Variants in RARS1 observed in about 807,000 individuals in gnomAD.
RARS1 encodes the protein arginyl-tRNA synthetase 1.
Under a neutral mutation model 78.7 loss-of-function variants are expected in RARS1, and 75 were observed. That is an observed-to-expected ratio of 0.95 (90% CI 0.79 to 1.15). The LOEUF (loss-of-function observed/expected upper bound fraction) is 1.15. Ranked by LOEUF, RARS1 falls within the 50% of genes most tolerant of loss-of-function variation. The probability of loss-of-function intolerance (pLI) is 0.00; values close to 1 mark genes in which losing one functional copy is unlikely to be tolerated. For synonymous variants in RARS1, 273 were observed against 268.2 expected, an observed-to-expected ratio of 1.02 and a Z score of -0.18; for missense variants, 787 against 787.5, an observed-to-expected ratio of 1.00 and a Z score of 0.01.
At chr5:168,510,519 T>G in intron 11 of RARS1, 62 bp from the exon 12 acceptor site, 1 of 1,291,718 alleles carries the variant, frequency 7.7e-7, no homozygotes, top group Non-Finnish European at 1.1e-6. Flanking sequence ...ACCTTCATTT[T>G]CAAAGATTTC....
intron 3 of RARS1, among the ~76,000 whole-genome samples, chr5:168,493,595 C>A (rs1307380697): frequency 7.0e-6 from 1 of 143,350 alleles, no homozygotes; most frequent in African/African-American, 2.6e-5. Flanking sequence ...GATCACACCA[C>A]TGCACTCCAG....
intron 11 of RARS1, among the ~76,000 whole-genome samples, chr5:168,509,362 AAGT>A (rs1429033317): frequency 2.6e-5 from 4 of 152,054 alleles, no homozygotes; most frequent in African/African-American, 9.7e-5. Flanking sequence ...CTTTAACAGA[AAGT>A]AGCACATTCA....
Position 168,506,072 on chromosome 5 carries a change from C to T in RARS1, c.1109C>T (p.Ser370Phe), listed in dbSNP as rs528829400. Residue 370 changes from serine (S) to phenylalanine (F), a missense_variant, in exon 10 of 15, where the codon TCC becomes TTC. Coordinates refer to ENST00000231572, the MANE Select transcript of RARS1 (RefSeq NM_002887.4). ...AAGATTGTATTTGTCCCAGGGTGTT[C>T]CATACCATTAACCATAGTAAAATCA... ...GRKIVFVPGC[S>F]IPLTIVKSDG... 3.7e-6 allele frequency: 6 copies of T among 1,607,452 alleles called. No individual in the cohort carries two copies. Among genetic ancestry groups the T allele is most frequent in the Non-Finnish European group, 5.1e-6 (6 of 1,177,278 alleles).
At position 168,495,425 on chromosome 5, in the gene RARS1, TGAC is replaced by T; in HGVS notation, c.692_694del (p.Asp231del). 1.2e-6 allele frequency: 2 copies of T among 1,613,732 alleles called. No homozygotes were observed. The highest frequency in any genetic ancestry group is 1.7e-6 in the Non-Finnish European group (2 of 1,179,746). ...GCCGCCTCTTTGAATTTGCAGGGTATGACGTGCTCAGGTATGTGCTCTTGCCTT... is the reference window on the plus strand; with the variant it reads ...GCCGCCTCTTTGAATTTGCAGGGTATGTGCTCAGGTATGTGCTCTTGCCTT... On this transcript the variant is annotated inframe_deletion, in exon 6 of 15. Transcript: ENST00000231572.
chr5:168,499,422 CTGTT>C (rs1367523702), intron 7 of RARS1, among the ~76,000 whole-genome samples: 1 of 152,084 alleles, frequency 6.6e-6, no homozygotes, highest in Non-Finnish European at 1.5e-5. Flanking sequence ...TGCATGTTTT[CTGTT>C]TGTTTAAATT....
chr5:168,517,669 G>C, intron 13 of RARS1, 146 bp from the exon 14 acceptor site: 10 of 1,071,034 alleles, frequency 9.3e-6, no homozygotes, highest in African/African-American at 3.2e-5. Context: ...CTGGCTATTA[G>C]TTTTGCCTAA....
intron 12 of RARS1, among the ~76,000 whole-genome samples, chr5:168,513,327 CT>C: frequency 6.7e-6 from 1 of 148,730 alleles, no homozygotes; most frequent in East Asian, 2.0e-4. Context: ...CGGCCTCTTT[CT>C]TTCTTTCTTA....
At chr5:168,494,785 T>C in intron 5 of RARS1, 135 bp downstream of exon 5, 1 of 651,474 alleles carries the variant, frequency 1.5e-6, no homozygotes, top group Non-Finnish European at 2.6e-6. Flanking sequence ...AGTTCAAGGC[T>C]GAGGTGTGCT....
intron 2 of RARS1, among the ~76,000 whole-genome samples, chr5:168,490,797 TAC>T (rs1035341659): frequency 3.3e-5 from 5 of 152,274 alleles, no homozygotes; most frequent in Non-Finnish European, 5.9e-5. Flanking sequence ...TGTGTGTAGG[TAC>T]ACACACATAC....
At position 168,502,110 on chromosome 5, in the gene RARS1, G is replaced by A. The variant is rs1178150119; in HGVS notation, c.1057+5G>A. On this transcript the variant is annotated splice_donor_5th_base_variant and intron_variant, in intron 9 of 14. Coordinates refer to ENST00000231572, the MANE Select transcript of RARS1 (RefSeq NM_002887.4). Reference sequence around the variant, plus strand: ...TAAAGGAATTTGAAGATAGAGGTAGGCACTCTTCTTTTAACTTTTTATTAT... The same window carrying A: ...TAAAGGAATTTGAAGATAGAGGTAGACACTCTTCTTTTAACTTTTTATTAT... The A allele has an allele frequency of 6.3e-7, 1 of 1,580,846 alleles. No homozygotes were observed. The highest frequency in any genetic ancestry group is 1.2e-5 in the South Asian group (1 of 84,412).
rs139437669 is a variant in RARS1 at position 168,502,341 on chromosome 5, G to A, written c.1057+236G>A. 3.6e-3 allele frequency among the ~76,000 whole-genome samples: 517 copies of A among 144,352 alleles called. 13 individuals carry two copies. The highest frequency in any genetic ancestry group is 0.02 in the East Asian group (101 of 4,980). The allele number at this position is 144,352 out of a possible 152,430, so 94.7% of individuals were successfully genotyped here. A position where few individuals can be genotyped will look rare whatever the true frequency, so the allele number is the denominator to read the frequency against. On this transcript the variant is annotated intron_variant, in intron 9 of 14. Coordinates refer to ENST00000231572, the MANE Select transcript of RARS1 (RefSeq NM_002887.4). ...AGGACCTTCTTTCTGCCCTAAAACC[G>A]CAATATCATTATAATAACAAATATA...
intron 9 of RARS1, 136 bp from the exon 10 acceptor site, chr5:168,505,885 C>T (rs1758435018): frequency 1.2e-6 from 1 of 801,568 alleles, no homozygotes; most frequent in Non-Finnish European, 1.9e-6. Flanking sequence ...AAATTATGTG[C>T]TTTCTTTAGC....
intron 10 of RARS1, 31 bp from the exon 11 acceptor site, chr5:168,506,691 A>T (rs549209980): frequency 6.7e-7 from 1 of 1,493,368 alleles, no homozygotes; most frequent in South Asian, 1.2e-5. Flanking sequence ...TTTAAAGAAG[A>T]CTAGCAAGTA....
chr5:168,517,024 T>C, intron 13 of RARS1, 74 bp downstream of exon 13: 3 of 1,485,740 alleles, frequency 2.0e-6, no homozygotes, highest in Admixed American at 4.0e-5. Flanking sequence ...TATTTTCTTT[T>C]TTTTTTTTTG....
In RARS1 at chr5:168,516,970, G is replaced by A. The variant is rs775045228; in HGVS notation, c.1625+20G>A. 4 of 1,597,650 alleles carry A rather than the reference G, an allele frequency of 2.5e-6. No individual in the cohort carries two copies. On this transcript the variant is annotated intron_variant, in intron 13 of 14. Transcript: ENST00000231572. Reference sequence around the variant, plus strand: ...AATCAGGTAATTGTGGGTAGGCATTGTTTTATTGTGAATCAAATGAAAGCA... The same window carrying A: ...AATCAGGTAATTGTGGGTAGGCATTATTTTATTGTGAATCAAATGAAAGCA...
At chr5:168,495,529 A>G in intron 6 of RARS1, 93 bp downstream of exon 6, 1 of 1,481,864 alleles carries the variant, frequency 6.7e-7, no homozygotes, top group South Asian at 1.4e-5. Flanking sequence ...AAGAAAGAAC[A>G]TTCGACTAAA....
chr5:168,488,748 G>A lies in RARS1; in HGVS notation c.180+12G>A. ...ATATTCTTCGAAAGGTGAGTACTTT[G>A]GGTTCCAGTTTTATTCTCCAGTTTG... On this transcript the variant is annotated intron_variant, in intron 2 of 14. Coordinates refer to ENST00000231572, the MANE Select transcript of RARS1 (RefSeq NM_002887.4). 1 of 1,582,026 alleles carries A rather than the reference G, an allele frequency of 6.3e-7. No individual in the cohort carries two copies. Among genetic ancestry groups the A allele is most frequent in the South Asian group, 1.2e-5 (1 of 85,310 alleles).
At chr5:168,510,766 G>C in intron 12 of RARS1, 80 bp downstream of exon 12, 5 of 963,058 alleles carry the variant, frequency 5.2e-6, no homozygotes, top group South Asian at 1.7e-5. Context: ...GAACTGAGGA[G>C]AAGTGTGAGG....
intron 1 of RARS1, chr5:168,488,214 G>C (rs774046343): frequency 5.2e-6 from 2 of 383,896 alleles, no homozygotes; most frequent in Non-Finnish European, 1.0e-5. Flanking sequence ...CGCAACCTCA[G>C]CCTCTGGGAT....
Sources: gnomAD v4.1 joint callset for allele counts (sites outside exome capture counted in the v4.1 genomes callset) on GRCh38, gnomAD v4.1.1 for gene constraint, MANE v1.5 for transcripts, NCBI Gene and HGNC (gene_info 2026-07-23, HGNC 2026-07-21) for gene names.